The following CHAMP1 variants were observed in gnomAD, a reference collection of about 807,000 sequenced individuals.
CHAMP1 encodes the protein chromosome alignment-maintaining phosphoprotein 1.
Under a neutral mutation model 54.5 loss-of-function variants are expected in CHAMP1, and 4 were observed. That is an observed-to-expected ratio of 0.07 (90% CI 0.04 to 0.17). The LOEUF is 0.17. CHAMP1 is among the 10% of genes least tolerant of loss of function. CHAMP1 has a pLI of 1.00. For synonymous variants in CHAMP1, 368 were observed against 342.2 expected, an observed-to-expected ratio of 1.08 and a Z score of -0.83; for missense variants, 994 against 968.6, an observed-to-expected ratio of 1.03 and a Z score of -0.35.
chr13:114,316,761 T>A (rs2087104674), intron 1 of CHAMP1, among the ~76,000 whole-genome samples: 1 of 151,984 alleles, frequency 6.6e-6, no homozygotes, highest in Admixed American at 6.6e-5. Context: ...GATTTTTTTT[T>A]TTTTTTTTGG....
At chr13:114,320,033 A>G (rs1396999558) in intron 1 of CHAMP1, among the ~76,000 whole-genome samples, 2 of 152,164 alleles carry the variant, frequency 1.3e-5, no homozygotes, top group Non-Finnish European at 2.9e-5. Flanking sequence ...TTCTGTTTGG[A>G]AGACAGGTTT....
chr13:114,323,136 T>TA (rs1462513510), intron 2 of CHAMP1: 2 of 152,182 alleles, frequency 1.3e-5, no homozygotes, highest in Admixed American at 6.5e-5. Context: ...ATGAACGCCA[T>TA]ATTGCAAAGC....
intron 1 of CHAMP1, among the ~76,000 whole-genome samples, chr13:114,320,320 T>C (rs116609113): frequency 6.6e-6 from 1 of 152,198 alleles, no homozygotes; most frequent in South Asian, 2.1e-4. Context: ...CAGGTCCATG[T>C]GTTCTTCCTT....
intron 1 of CHAMP1, among the ~76,000 whole-genome samples, chr13:114,314,907 A>G (rs746179544): frequency 1.4e-4 from 22 of 152,208 alleles, no homozygotes; most frequent in Non-Finnish European, 2.8e-4. Flanking sequence ...ACCATTGGGA[A>G]GTTGAGGGCG....
rs2087219906 is a variant in CHAMP1 at position 114,324,751 on chromosome 13, A to G, written c.909A>G (p.Pro303=). The change falls in exon 3 of 3, where the codon CCA becomes CCG. Residue 303 remains proline (P), a synonymous_variant. Coordinates refer to ENST00000361283, the MANE Select transcript of CHAMP1 (RefSeq NM_032436.4). ...FPAVSPEPRR[P]APAVSPGSWK... ...CTGTCTCCCCAGAGCCTAGGAGACC[A>G]GCCCCCGCTGTGTCACCAGGCTCTT... The G allele has an allele frequency of 6.2e-7, 1 of 1,613,954 alleles. No homozygotes were observed. Among genetic ancestry groups the G allele is most frequent in the Non-Finnish European group, 8.5e-7 (1 of 1,179,876 alleles).
In CHAMP1 at chr13:114,325,870, A is replaced by G. The variant is rs782812169; in HGVS notation, c.2028A>G (p.Pro676=). The change falls in exon 3 of 3, where the codon CCA becomes CCG. Residue 676 remains proline (P), a synonymous_variant. Transcript: ENST00000361283. The part of the protein sequence containing the change: ...SKENKMDMTS[P]EQSRNVLQFT... ...AGAACAAAATGGACATGACTAGTCCAGAGCAGTCTAGAAATGTGCTACAGT... is the reference window on the plus strand; with the variant it reads ...AGAACAAAATGGACATGACTAGTCCGGAGCAGTCTAGAAATGTGCTACAGT... The G allele has an allele frequency of 6.2e-7, 1 of 1,614,188 alleles. No homozygotes were observed. The highest frequency in any genetic ancestry group is 8.5e-7 in the Non-Finnish European group (1 of 1,180,032).
At position 114,326,039 on chromosome 13, in the gene CHAMP1, A is replaced by G. The variant is rs144440153; in HGVS notation, c.2197A>G (p.Asn733Asp). 2 of 1,614,084 alleles carry G rather than the reference A, an allele frequency of 1.2e-6. No homozygotes were observed. Among genetic ancestry groups the G allele is most frequent in the Non-Finnish European group, 8.5e-7 (1 of 1,179,994 alleles). ...TTTGCATCATTTGGTTAATAAGCATAATGTTCATAGCCCTTACAAATGCAC... is the reference window on the plus strand; with the variant it reads ...TTTGCATCATTTGGTTAATAAGCATGATGTTCATAGCCCTTACAAATGCAC... ...AVLHHLVNKH[N>D]VHSPYKCTIC... Residue 733 changes from asparagine (N) to aspartate (D), a missense_variant, in exon 3 of 3, where the codon AAT becomes GAT. Coordinates refer to ENST00000361283, the MANE Select transcript of CHAMP1 (RefSeq NM_032436.4).
intron 2 of CHAMP1, chr13:114,323,484 C>G (rs1448433789): frequency 5.2e-6 from 1 of 191,460 alleles, no homozygotes; most frequent in East Asian, 1.3e-4. Context: ...GCTCACATCA[C>G]TGATAGTCCT....
Position 114,324,144 on chromosome 13 carries a change from A to G in CHAMP1, c.302A>G (p.Lys101Arg), listed in dbSNP as rs1555379364. Residue 101 changes from lysine to arginine, a missense_variant, in exon 3 of 3, where the codon AAA (lysine) becomes AGA (arginine). Lys to Arg is a conservative substitution (Grantham distance 26). This residue lies in a region of CHAMP1 where 851 missense variants were observed against 701.3 expected (regional missense o/e 1.21). Coordinates refer to ENST00000361283, the MANE Select transcript of CHAMP1 (RefSeq NM_032436.4). ...GATAAACCAAAAAATCAGTTGAACA[A>G]AGAAACAGATCCTGTGAAAAGCCCT... ...WNDKPKNQLN[K>R]ETDPVKSPPL... is the part of the protein sequence containing the mutation. 6.2e-7 allele frequency: 1 copy of G among 1,614,104 alleles called. No individual in the cohort carries two copies.
chr13:114,316,248 C>T (rs1159189520), intron 1 of CHAMP1, among the ~76,000 whole-genome samples: 1 of 150,728 alleles, frequency 6.6e-6, no homozygotes, highest in African/African-American at 2.4e-5. Flanking sequence ...ACTGCAGCCT[C>T]CGTCTCTCGG....
In CHAMP1 at chr13:114,323,873, T is replaced by C; in HGVS notation, c.31T>C (p.Ser11Pro). The change falls in exon 3 of 3, where the codon TCA (serine) becomes CCA (proline). Residue 11 changes from serine to proline, a missense_variant. Around this residue, in one of 3 missense-constraint regions of CHAMP1, gnomAD observed 84 missense variants for 120.7 expected, o/e 0.70. Coordinates refer to ENST00000361283, the MANE Select transcript of CHAMP1 (RefSeq NM_032436.4). MEAFQELRKP[S>P]ARLECDHCSF... ...AGCATTCCAGGAACTTCGTAAACCATCAGCACGTTTGGAGTGTGACCATTG... is the reference window on the plus strand; with the variant it reads ...AGCATTCCAGGAACTTCGTAAACCACCAGCACGTTTGGAGTGTGACCATTG... 6.2e-7 allele frequency: 1 copy of C among 1,608,988 alleles called. No individual in the cohort carries two copies. Among genetic ancestry groups the C allele is most frequent in the East Asian group, 2.2e-5 (1 of 44,770 alleles).
At position 114,325,350 on chromosome 13, in the gene CHAMP1, G is replaced by A; in HGVS notation, c.1508G>A (p.Gly503Glu). The A allele has an allele frequency of 6.2e-7, 1 of 1,613,956 alleles. No individual in the cohort carries two copies. The highest frequency in any genetic ancestry group is 8.5e-7 in the Non-Finnish European group (1 of 1,180,008). ...FPETRKPGPSGPSESPKAASD... is the reference protein window; with the variant it reads ...FPETRKPGPSEPSESPKAASD... ...GAGACCCGAAAACCAGGTCCTTCTG[G>A]GCCATCTGAGTCCCCCAAAGCAGCC... The change falls in exon 3 of 3, where the codon GGG (glycine) becomes GAG (glutamate). Residue 503 changes from glycine (G) to glutamate (E), a missense_variant. Physicochemically the swap from Gly to Glu is moderately conservative, Grantham distance 98 (BLOSUM62 -2). This residue lies in a region of CHAMP1 where 851 missense variants were observed against 701.3 expected (regional missense o/e 1.21). Transcript: ENST00000361283.
chr13:114,315,646 A>G lies in CHAMP1; in HGVS notation c.-179+1003A>G, dbSNP rs946774043. ...AGACACAAAAAAGACATACTGTATG[A>G]TTCCCCCTCAGGCACAGAATTGAGA... On this transcript the variant is annotated intron_variant, in intron 1 of 2. Coordinates refer to ENST00000361283, the MANE Select transcript of CHAMP1 (RefSeq NM_032436.4). Among the ~76,000 whole-genome samples, 4 of 152,200 alleles carry G rather than the reference A, an allele frequency of 2.6e-5. 1 individual carries two copies. The highest frequency in any genetic ancestry group is 1.9e-4 in the East Asian group (1 of 5,206).
rs574134204 is a variant in CHAMP1 at position 114,325,682 on chromosome 13, C to T, written c.1840C>T (p.Pro614Ser). 6 of 1,613,756 alleles carry T rather than the reference C, an allele frequency of 3.7e-6. No individual in the cohort carries two copies. The highest frequency in any genetic ancestry group is 2.2e-5 in the East Asian group (1 of 44,884). Reference protein sequence around the residue: ...PKKLLEDTLFPSSKKLKKDNQ... With the variant: ...PKKLLEDTLFSSSKKLKKDNQ... ...GAAACTCTTAGAAGATACTTTATTTCCTTCCTCAAAGAAGCTCAAGAAAGA... is the reference window on the plus strand; with the variant it reads ...GAAACTCTTAGAAGATACTTTATTTTCTTCCTCAAAGAAGCTCAAGAAAGA... The change falls in exon 3 of 3, where the codon CCT becomes TCT. Residue 614 changes from proline to serine, a missense_variant. Pro to Ser is a moderately conservative substitution (Grantham distance 74). This residue lies in a region of CHAMP1 where 851 missense variants were observed against 701.3 expected (regional missense o/e 1.21). Transcript: ENST00000361283.
chr13:114,324,153 A>C lies in CHAMP1; in HGVS notation c.311A>C (p.Asp104Ala), dbSNP rs541872327. ...AAAAATCAGTTGAACAAAGAAACAG[A>C]TCCTGTGAAAAGCCCTCCTCTTCCT... is the stretch of plus-strand genomic sequence containing the variant. ...KPKNQLNKET[D>A]PVKSPPLPEH... Residue 104 changes from aspartate to alanine, a missense_variant, in exon 3 of 3, where the codon GAT becomes GCT. Coordinates refer to ENST00000361283, the MANE Select transcript of CHAMP1 (RefSeq NM_032436.4). 6.2e-7 allele frequency: 1 copy of C among 1,614,208 alleles called. No homozygotes were observed. Among genetic ancestry groups the C allele is most frequent in the African/African-American group, 1.3e-5 (1 of 75,056 alleles).
intron 1 of CHAMP1, among the ~76,000 whole-genome samples, chr13:114,317,928 G>A (rs1050812190): frequency 3.3e-5 from 5 of 152,164 alleles, no homozygotes; most frequent in Admixed American, 3.3e-4. Context: ...CTGTCTCAAA[G>A]ACAAAAAGAA....
chr13:114,319,197 C>G (rs1331342158), intron 1 of CHAMP1, among the ~76,000 whole-genome samples: 1 of 152,076 alleles, frequency 6.6e-6, no homozygotes, highest in East Asian at 1.9e-4. Flanking sequence ...CTGATTTGGG[C>G]AAGCTGTTTA....
chr13:114,318,029 C>G (rs1041756963), intron 1 of CHAMP1, among the ~76,000 whole-genome samples: 1 of 152,196 alleles, frequency 6.6e-6, no homozygotes, highest in African/African-American at 2.4e-5. Context: ...AACCTAAAAG[C>G]TGGAAGGACG....
chr13:114,321,958 C>T (rs1232338657), intron 2 of CHAMP1: 1 of 151,612 alleles, frequency 6.6e-6, no homozygotes, highest in South Asian at 2.1e-4. Context: ...AAATGATATA[C>T]CTTGGATAAA....
Sources: allele counts gnomAD v4.1 joint callset (sites outside exome capture counted in the v4.1 genomes callset), GRCh38; gene constraint gnomAD v4.1.1; regional missense constraint gnomAD v4.1.1; transcripts MANE v1.5; gene names NCBI Gene and HGNC (gene_info 2026-07-23, HGNC 2026-07-21).